SRPK2: variants seen among roughly 807,000 people sequenced by gnomAD.
SRPK2 encodes the protein SFRS protein kinase 2.
SRPK2 carries 21 observed loss-of-function variants against 90.8 expected under a neutral mutation model. That is an observed-to-expected ratio of 0.23 (90% CI 0.16 to 0.33). The LOEUF (loss-of-function observed/expected upper bound fraction) is 0.33. Among genes scored for constraint, SRPK2 ranks in the 10% least tolerant of loss-of-function variants. The pLI, the probability that SRPK2 is intolerant of heterozygous loss-of-function variation, is 1.00. For synonymous variants in SRPK2, 288 were observed against 311.1 expected, an observed-to-expected ratio of 0.93 and a Z score of 0.78; for missense variants, 620 against 869.0, an observed-to-expected ratio of 0.71 and a Z score of 3.60.
At chr7:105,204,366 C>T (rs1415262605) in intron 2 of SRPK2, among the ~76,000 whole-genome samples, 4 of 152,204 alleles carry the variant, frequency 2.6e-5, no homozygotes, top group East Asian at 1.9e-4. Flanking sequence ...AAGGCCTGTT[C>T]GAAGTTTTGA....
At chr7:105,185,409 A>G (rs1793451260) in intron 3 of SRPK2, among the ~76,000 whole-genome samples, 1 of 152,134 alleles carries the variant, frequency 6.6e-6, no homozygotes. Flanking sequence ...TAACTAAAAA[A>G]TTAAGTTCCT....
chr7:105,237,836 G>C (rs1367744265), intron 2 of SRPK2, among the ~76,000 whole-genome samples: 1 of 152,130 alleles, frequency 6.6e-6, no homozygotes, highest in East Asian at 1.9e-4. Flanking sequence ...TTCCTGCTTG[G>C]TTATAGGTGC....
Position 105,296,093 on chromosome 7 carries a change from G to A in SRPK2, c.72-92308C>T, listed in dbSNP as rs1400075157. Among the ~76,000 whole-genome samples the A allele has an allele frequency of 2.6e-5, 4 of 152,104 alleles. No individual in the cohort carries two copies. In the East Asian group the frequency reaches 7.7e-4, roughly 29 times the overall value. On this transcript the variant is annotated intron_variant, in intron 2 of 15. Transcript: ENST00000393651. ...ACCTTATTTTCTCCTACTAAAGAAT[G>A]GCTCTGAAGAGTACAAGAATACTTT...
At chr7:105,395,748 GAACTT>G (rs2132919017) in intron 1 of SRPK2, among the ~76,000 whole-genome samples, 1 of 151,970 alleles carries the variant, frequency 6.6e-6, no homozygotes, top group East Asian at 1.9e-4. Context: ...CAAAAAAAAA[GAACTT>G]AAAGCTATCT....
intron 11 of SRPK2, among the ~76,000 whole-genome samples, chr7:105,134,936 G>C (rs908534490): frequency 6.6e-6 from 1 of 152,194 alleles, no homozygotes. Flanking sequence ...CCAGGTATGA[G>C]CTCAGGAAAA....
intron 2 of SRPK2, among the ~76,000 whole-genome samples, chr7:105,276,557 G>A (rs995467487): frequency 6.6e-6 from 1 of 150,962 alleles, no homozygotes; most frequent in African/African-American, 2.4e-5. Flanking sequence ...GGGCAACATA[G>A]TGAGACTTCA....
rs746849982 is a variant in SRPK2, at chr7:105,118,036, A to T, written c.1916-14T>A. On this transcript the variant is annotated splice_polypyrimidine_tract_variant and intron_variant, in intron 15 of 15. Transcript: ENST00000393651. ...GTCGCAGTTCTCCTACAGGGGAAAA[A>T]ACAGGCCAATGTCAAGAAAGCTCCA... 6.2e-7 allele frequency: 1 copy of T among 1,610,616 alleles called. No homozygotes were observed. The highest frequency in any genetic ancestry group is 1.1e-5 in the South Asian group (1 of 90,742).
intron 7 of SRPK2, among the ~76,000 whole-genome samples, chr7:105,159,766 C>T (rs1399400788): frequency 1.3e-5 from 2 of 152,122 alleles, no homozygotes; most frequent in African/African-American, 4.8e-5. Context: ...GGCAACTGAA[C>T]AAAACACACA....
intron 2 of SRPK2, among the ~76,000 whole-genome samples, chr7:105,307,700 TG>T (rs1459432012): frequency 6.6e-6 from 1 of 152,228 alleles, no homozygotes; most frequent in Non-Finnish European, 1.5e-5. Context: ...AGTGTATAAG[TG>T]GTAAGACTGT....
intron 3 of SRPK2, among the ~76,000 whole-genome samples, chr7:105,171,271 A>G (rs1360918733): frequency 5.3e-5 from 8 of 152,180 alleles, no homozygotes; most frequent in Non-Finnish European, 1.0e-4. Flanking sequence ...TTTGTGAAAT[A>G]CGGAGGATAA....
chr7:105,359,896 G>A (rs780657320), intron 2 of SRPK2, among the ~76,000 whole-genome samples: 25 of 152,124 alleles, frequency 1.6e-4, no homozygotes, highest in Admixed American at 1.3e-4. Flanking sequence ...TATTAGGTCC[G>A]CTTGGTGCAG....
At chr7:105,142,624 G>T in intron 10 of SRPK2, 134 bp from the exon 11 acceptor site, 5 of 1,241,638 alleles carry the variant, frequency 4.0e-6, no homozygotes, top group Middle Eastern at 2.7e-4. Context: ...CTTGGCTTTT[G>T]GGGTAAAACC....
At chr7:105,186,075 G>A (rs999220877) in intron 3 of SRPK2, among the ~76,000 whole-genome samples, 1 of 152,126 alleles carries the variant, frequency 6.6e-6, no homozygotes, top group Non-Finnish European at 1.5e-5. Context: ...TTTAATGTCT[G>A]CAAAATAAAG....
chr7:105,194,188 CT>C lies in SRPK2; in HGVS notation c.229+9439del, dbSNP rs1794638972. The stretch of plus-strand genomic sequence containing the variant: ...ACTCCCAAGGTTGTGAAGATATTCT[CT>C]TACTTTTTGCTAGAAACTTTACAGT... On this transcript the variant is annotated intron_variant, in intron 3 of 15. Coordinates refer to ENST00000393651, the MANE Select transcript of SRPK2 (RefSeq NM_182692.3). Among the ~76,000 whole-genome samples the C allele has an allele frequency of 2.0e-5, 3 of 152,172 alleles. No homozygotes were observed. In the South Asian group the frequency reaches 6.2e-4, roughly 32 times the overall value.
At chr7:105,364,799 C>A (rs945119060) in intron 2 of SRPK2, among the ~76,000 whole-genome samples, 1 of 152,120 alleles carries the variant, frequency 6.6e-6, no homozygotes, top group East Asian at 1.9e-4. Flanking sequence ...CTGTGCTGAA[C>A]CCCTGGGGTT....
At position 105,298,643 on chromosome 7, in the gene SRPK2, A is replaced by C. The variant is rs554421359; in HGVS notation, c.71+90005T>G. The C allele has an allele frequency of 1.6e-5, 13 of 831,690 alleles. No individual in the cohort carries two copies. In the South Asian group the frequency reaches 6.6e-4, roughly 42 times the overall value. 51.5% of individuals were successfully genotyped at this position (831,690 alleles called of 1,614,324 possible). A position where few individuals can be genotyped will look rare whatever the true frequency, so the allele number is the denominator to read the frequency against. ...AAAGGAAAAGCAAACAAAAGTATCA[A>C]ATAAAAAGGCCCCATAGGATAGCAT... is the stretch of plus-strand genomic sequence containing the variant. On this transcript the variant is annotated intron_variant, in intron 2 of 15. Transcript: ENST00000393651.
intron 2 of SRPK2, among the ~76,000 whole-genome samples, chr7:105,213,684 A>G (rs1488035519): frequency 6.6e-6 from 1 of 152,160 alleles, no homozygotes; most frequent in African/African-American, 2.4e-5. Context: ...CAAACTAAAG[A>G]CCCATACGCT....
chr7:105,368,007 A>C (rs1437691825), intron 2 of SRPK2, among the ~76,000 whole-genome samples: 2 of 152,210 alleles, frequency 1.3e-5, no homozygotes, highest in African/African-American at 4.8e-5. Context: ...ACTTAAGGAG[A>C]GTACAGTTAC....
chr7:105,171,617 T>C (rs1010070138), intron 3 of SRPK2, among the ~76,000 whole-genome samples: 1 of 152,204 alleles, frequency 6.6e-6, no homozygotes, highest in Non-Finnish European at 1.5e-5. Context: ...ACTTCAAGAA[T>C]ATATTTCTGA....
Sources: gnomAD v4.1 joint callset for allele counts (sites outside exome capture counted in the v4.1 genomes callset) on GRCh38, gnomAD v4.1.1 for gene constraint, MANE v1.5 for transcripts, NCBI Gene and HGNC (gene_info 2026-07-23, HGNC 2026-07-21) for gene names.